OLFM1: variants seen among roughly 807,000 people sequenced by gnomAD.
OLFM1 encodes noelin.
OLFM1 carries 9 observed loss-of-function variants against 49.7 expected under a neutral mutation model. That is an observed-to-expected ratio of 0.18 (90% CI 0.11 to 0.32). OLFM1 has a LOEUF of 0.32. OLFM1 is among the 10% of genes least tolerant of loss of function. The pLI is 1.00. For missense variants in OLFM1, 369 were observed against 661.8 expected (o/e 0.56, Z 4.85); for synonymous variants, 240 against 271.8 (o/e 0.88, Z 1.15).
At chr9:135,104,197 C>G (rs987980753) in intron 4 of OLFM1, among the ~76,000 whole-genome samples, 1 of 152,130 alleles carries the variant, frequency 6.6e-6, no homozygotes, top group Admixed American at 6.5e-5. Flanking sequence ...GTCTTTAGGG[C>G]AGAGGTGTCA....
At chr9:135,081,428 C>A (rs1830530750) in intron 1 of OLFM1, among the ~76,000 whole-genome samples, 1 of 152,098 alleles carries the variant, frequency 6.6e-6, no homozygotes, top group African/African-American at 2.4e-5. Flanking sequence ...ACGTGCACGG[C>A]CGGCTGCTGA....
rs2769627 is a variant in OLFM1, at chr9:135,087,779, A to T, written c.-211A>T. 1.0e-4 allele frequency: 58 copies of T among 571,246 alleles called. No individual in the cohort carries two copies. The highest frequency in any genetic ancestry group is 1.2e-4 in the Non-Finnish European group (56 of 454,394). The allele number at this position is 571,246 out of a possible 1,614,324, so 35.4% of individuals were successfully genotyped here. A position where few individuals can be genotyped will look rare whatever the true frequency, so the allele number is the denominator to read the frequency against. ...GCGCAGGGCGCGGCGGGCAGAGGCC[A>T]CCTGGCCACCTTCCCTGGCGCCCGG... On this transcript the variant is annotated 5_prime_UTR_variant, in exon 1 of 6. Coordinates refer to ENST00000371793, the MANE Select transcript of OLFM1 (RefSeq NM_001282611.2).
chr9:135,104,110 C>T lies in OLFM1; in HGVS notation c.677-2639C>T, dbSNP rs75374224. 2.5e-3 allele frequency among the ~76,000 whole-genome samples: 388 copies of T among 152,320 alleles called. 11 individuals carry two copies. In the South Asian group the frequency reaches 0.056, roughly 22 times the overall value. ...TAAGACCCAGACATTCCTTGGCAGC[C>T]CCATGAGATGTACGGTGGGAAGCTG... On this transcript the variant is annotated intron_variant, in intron 4 of 5. Transcript: ENST00000371793.
chr9:135,076,147 G>A (rs1830462350), intron 1 of OLFM1: 1 of 1,550,002 alleles, frequency 6.5e-7, no homozygotes, highest in Non-Finnish European at 8.7e-7. Context: ...GGGGAAGAGT[G>A]AGAGCCGGAT....
chr9:135,076,935 C>T (rs1321635340), intron 1 of OLFM1: 2 of 1,550,646 alleles, frequency 1.3e-6, no homozygotes, highest in African/African-American at 1.4e-5. Context: ...CTCCCTGGCT[C>T]TGCCCAGGAT....
At chr9:135,094,578 AC>A (rs1373270562) in intron 2 of OLFM1, among the ~76,000 whole-genome samples, 2 of 152,108 alleles carry the variant, frequency 1.3e-5, no homozygotes, top group African/African-American at 4.8e-5. Context: ...AGCTGAAGCC[AC>A]CCCGTCGTGT....
upstream of OLFM1, chr9:135,087,156 C>A: frequency 7.8e-7 from 1 of 1,283,144 alleles, no homozygotes; most frequent in Non-Finnish European, 1.0e-6. Context: ...CACCGATGCC[C>A]CGACGCCCCC....
At chr9:135,095,796 G>T in intron 2 of OLFM1, 68 bp from the exon 3 acceptor site, 1 of 1,554,396 alleles carries the variant, frequency 6.4e-7, no homozygotes, top group South Asian at 1.2e-5. Context: ...ATGTCTGTAC[G>T]AGCAGGCAGA....
chr9:135,094,208 T>C (rs888776840), intron 2 of OLFM1, among the ~76,000 whole-genome samples: 1 of 152,148 alleles, frequency 6.6e-6, no homozygotes, highest in African/African-American at 2.4e-5. Context: ...TTACTGGACT[T>C]TGTGCAGGGG....
In OLFM1 at chr9:135,082,536, A is replaced by G. The variant is rs147351707; in HGVS notation, c.96+6734A>G. 7.4e-3 allele frequency among the ~76,000 whole-genome samples: 1,133 copies of G among 152,322 alleles called. 9 individuals carry two copies. The highest frequency in any genetic ancestry group is 0.015 in the South Asian group (71 of 4,818). On this transcript the variant is annotated intron_variant, in intron 1 of 5. Coordinates refer to the OLFM1 transcript ENST00000252854. Reference sequence around the variant, plus strand: ...TGAAGGATGTGGTTTTTGACAGTGCAGTGGGACTCAGAAATGGGGAGCCAG... The same window carrying G: ...TGAAGGATGTGGTTTTTGACAGTGCGGTGGGACTCAGAAATGGGGAGCCAG...
chr9:135,104,127 G>A (rs1010388893), intron 4 of OLFM1, among the ~76,000 whole-genome samples: 1 of 152,220 alleles, frequency 6.6e-6, no homozygotes, highest in Non-Finnish European at 1.5e-5. Context: ...GATGTACGGT[G>A]GGAAGCTGGC....
Position 135,081,423 on chromosome 9 carries a change from C to T in OLFM1, c.96+5621C>T, listed in dbSNP as rs1278800831. Among the ~76,000 whole-genome samples the T allele has an allele frequency of 2.0e-5, 3 of 152,162 alleles. No homozygotes were observed. In the East Asian group the frequency reaches 5.8e-4, roughly 29 times the overall value. Reference sequence around the variant, plus strand: ...GCCTTTCCGACTGTGTGGACACGTGCACGGCCGGCTGCTGACCTTGAAAAC... The same window carrying T: ...GCCTTTCCGACTGTGTGGACACGTGTACGGCCGGCTGCTGACCTTGAAAAC... On this transcript the variant is annotated intron_variant, in intron 1 of 5. Coordinates refer to the OLFM1 transcript ENST00000252854.
At chr9:135,095,710 G>T (rs919615821) in intron 2 of OLFM1, among the ~76,000 whole-genome samples, 154 bp from the exon 3 acceptor site, 2 of 152,140 alleles carry the variant, frequency 1.3e-5, no homozygotes, top group Non-Finnish European at 2.9e-5. Flanking sequence ...CACAGTCCGC[G>T]ATGCTGGCGA....
intron 5 of OLFM1, among the ~76,000 whole-genome samples, chr9:135,111,284 A>T (rs56226167): frequency 6.6e-6 from 1 of 151,998 alleles, no homozygotes; most frequent in African/African-American, 2.4e-5. Flanking sequence ...AGAAACCCTC[A>T]TGGGTTGGGG....
intron 5 of OLFM1, among the ~76,000 whole-genome samples, chr9:135,111,250 C>T (rs940583867): frequency 1.3e-5 from 2 of 152,186 alleles, no homozygotes; most frequent in Admixed American, 1.3e-4. Flanking sequence ...AAGAACCCAC[C>T]CGTTGCTTTA....
chr9:135,118,553 T>C (rs1831131690), intron 5 of OLFM1, among the ~76,000 whole-genome samples: 1 of 145,466 alleles, frequency 6.9e-6, no homozygotes, highest in African/African-American at 2.6e-5. Context: ...GCTCGCTGGA[T>C]CTTTGGAAGT....
At chr9:135,096,929 G>A (rs1161225072) in intron 3 of OLFM1, among the ~76,000 whole-genome samples, 2 of 152,214 alleles carry the variant, frequency 1.3e-5, no homozygotes, top group African/African-American at 4.8e-5. Flanking sequence ...AGATACAGAT[G>A]TGCAGCCAGG....
At chr9:135,091,965 A>G (rs563618065) in intron 2 of OLFM1, among the ~76,000 whole-genome samples, 1 of 152,288 alleles carries the variant, frequency 6.6e-6, no homozygotes, top group South Asian at 2.1e-4. Context: ...CTCTTCCTGC[A>G]GGTTGGCCTT....
chr9:135,109,183 G>A (rs537418269), intron 5 of OLFM1, among the ~76,000 whole-genome samples: 5 of 152,196 alleles, frequency 3.3e-5, no homozygotes, highest in African/African-American at 4.8e-5. Flanking sequence ...AACGCCACAC[G>A]TGTGTGCCTC....
Sources: allele counts gnomAD v4.1 joint callset (sites outside exome capture counted in the v4.1 genomes callset), GRCh38; gene constraint gnomAD v4.1.1; transcripts MANE v1.5; gene names NCBI Gene and HGNC (gene_info 2026-07-23, HGNC 2026-07-21).